The following SEC14L1 variants were observed in gnomAD, a reference collection of about 807,000 sequenced individuals.
SEC14L1 encodes the protein SEC14 like lipid binding 1, also known as SEC14-like protein 1.
In SEC14L1, 48 loss-of-function variants were observed where a neutral mutation model predicts 85.3. The observed-to-expected ratio is 0.56, with a 90% confidence interval of 0.45 to 0.72. The LOEUF (loss-of-function observed/expected upper bound fraction) is 0.72. Ranked by LOEUF, SEC14L1 falls within the 30% of genes least tolerant of loss-of-function variation. SEC14L1 has a pLI of 0.00. For missense variants in SEC14L1, 682 were observed against 921.4 expected (o/e 0.74, Z 3.36); for synonymous variants, 391 against 355.5 (o/e 1.10, Z -1.12).
intron 3 of SEC14L1, among the ~76,000 whole-genome samples, chr17:77,154,913 T>A (rs1973739903): frequency 6.6e-6 from 1 of 151,346 alleles, no homozygotes; most frequent in Non-Finnish European, 1.5e-5. Context: ...ATCTGGACTT[T>A]CTTTATTCCA....
intron 2 of SEC14L1, 111 bp from the exon 3 acceptor site, chr17:77,143,456 C>A: frequency 1.6e-6 from 1 of 607,558 alleles, no homozygotes. Flanking sequence ...GAATTATGAC[C>A]TATTGTGGTC....
rs369833306 is a variant in SEC14L1 at position 77,200,487 on chromosome 17, C to A, written c.823C>A (p.Pro275Thr). Reference sequence around the variant, plus strand: ...AAATGTCTTTTTCTCTTAATAGATTCCAAAAGATGAGCATATTCTTCGGTT... The same window carrying A: ...AAATGTCTTTTTCTCTTAATAGATTACAAAAGATGAGCATATTCTTCGGTT... Reference protein sequence around the residue: ...WLQETHKGKIPKDEHILRFLR... With the variant: ...WLQETHKGKITKDEHILRFLR... The change falls in exon 9 of 17, where the codon CCA becomes ACA. Residue 275 changes from proline (P) to threonine (T), a missense_variant. Coordinates refer to ENST00000436233, the MANE Select transcript of SEC14L1 (RefSeq NM_001143998.2). The A allele has an allele frequency of 6.2e-7, 1 of 1,612,046 alleles. No homozygotes were observed. Among genetic ancestry groups the A allele is most frequent in the Non-Finnish European group, 8.5e-7 (1 of 1,178,976 alleles).
intron 1 of SEC14L1, chr17:77,141,589 A>T (rs931046552): frequency 3.3e-5 from 5 of 151,994 alleles, no homozygotes; most frequent in Admixed American, 6.6e-5. Flanking sequence ...CATGCAATGG[A>T]GGCCGTCCGG....
rs1319426748 is a variant in SEC14L1 at position 77,123,585 on chromosome 17, TG to T, written c.-135-19060del. On this transcript the variant is annotated intron_variant, in intron 3 of 19. Coordinates refer to the SEC14L1 transcript ENST00000392476. ...CATCACCAAATCTGGCTATTTTCTT[TG>T]TTTTTTTTTTGTAGAGACAGAGGTC... Among the ~76,000 whole-genome samples, 15 of 151,778 alleles carry T rather than the reference TG, an allele frequency of 9.9e-5. No homozygotes were observed. In the South Asian group the frequency reaches 2.9e-3, roughly 29 times the overall value.
At chr17:77,184,216 G>A (rs1036663700) in intron 3 of SEC14L1, among the ~76,000 whole-genome samples, 2 of 152,200 alleles carry the variant, frequency 1.3e-5, no homozygotes, top group African/African-American at 4.8e-5. Flanking sequence ...GCTCAGTTCA[G>A]TCATTTGGTG....
At chr17:77,184,282 T>C (rs1340782171) in intron 3 of SEC14L1, among the ~76,000 whole-genome samples, 1 of 152,240 alleles carries the variant, frequency 6.6e-6, no homozygotes, top group African/African-American at 2.4e-5. Flanking sequence ...TGTTCCTTTG[T>C]TAAATTTATC....
At chr17:77,110,688 G>A (rs1278702706) in intron 3 of SEC14L1, among the ~76,000 whole-genome samples, 4 of 151,102 alleles carry the variant, frequency 2.6e-5, no homozygotes, top group Non-Finnish European at 1.5e-5. Flanking sequence ...AGACCATCCT[G>A]GCTAACAGGG....
intron 3 of SEC14L1, among the ~76,000 whole-genome samples, chr17:77,179,148 C>T (rs150654441): frequency 1.0e-3 from 158 of 152,302 alleles, no homozygotes; most frequent in Middle Eastern, 6.8e-3. Flanking sequence ...GAATATCTCA[C>T]AGCCCTCCCG....
intron 3 of SEC14L1, among the ~76,000 whole-genome samples, chr17:77,159,216 C>T (rs1256165652): frequency 0.022 from 1 of 46 alleles, no homozygotes; most frequent in Non-Finnish European, 0.056. Context: ...CAGGTGTGAG[C>T]CACCACCACC....
rs11295576 is a variant in SEC14L1 at position 77,152,535 on chromosome 17, CAA to C, written c.63+8894_63+8895del. Reference sequence around the variant, plus strand: ...TGGGTGACAGAGCGAGACTCCGTCTCAAAAAAAAAAAAAAAAAAATGGAAATG... The same window carrying C: ...TGGGTGACAGAGCGAGACTCCGTCTCAAAAAAAAAAAAAAAAATGGAAATG... On this transcript the variant is annotated intron_variant, in intron 3 of 16. Coordinates refer to ENST00000436233, the MANE Select transcript of SEC14L1 (RefSeq NM_001143998.2). 9.4e-3 allele frequency: 1,019 copies of C among 108,334 alleles called. 7 individuals carry two copies. Among genetic ancestry groups the C allele is most frequent in the African/African-American group, 0.027 (809 of 29,440 alleles). The allele number at this position is 108,334 out of a possible 1,614,324, so 6.7% of individuals were successfully genotyped here.
At chr17:77,119,075 C>T (rs1396939420) in intron 3 of SEC14L1, among the ~76,000 whole-genome samples, 3 of 151,962 alleles carry the variant, frequency 2.0e-5, no homozygotes, top group East Asian at 1.9e-4. Context: ...TTTGGGAGGC[C>T]GAGACGGGTG....
rs547141080 is a variant in SEC14L1, at chr17:77,111,396, G to GTT, written c.-136+18062_-136+18063dup. Among the ~76,000 whole-genome samples the GTT allele has an allele frequency of 3.8e-3, 530 of 140,732 alleles. 8 individuals are homozygous for GTT. The highest frequency in any genetic ancestry group is 0.013 in the African/African-American group (492 of 38,186). 92.3% of individuals were successfully genotyped at this position (140,732 alleles called of 152,430 possible). A position where few individuals can be genotyped will look rare whatever the true frequency, so the allele number is the denominator to read the frequency against. On this transcript the variant is annotated intron_variant, in intron 3 of 19. Transcript: ENST00000392476. Reference sequence around the variant, plus strand: ...GTGGAGACCAAAGTTCTTTTGAAGTGTTTTTTTTTTTTTTGAGACAGAGTC... The same window carrying GTT: ...GTGGAGACCAAAGTTCTTTTGAAGTGTTTTTTTTTTTTTTTTGAGACAGAGTC...
At chr17:77,091,247 C>G (rs1414280041) in intron 2 of SEC14L1, among the ~76,000 whole-genome samples, 3 of 152,040 alleles carry the variant, frequency 2.0e-5, no homozygotes, top group Admixed American at 2.0e-4. Flanking sequence ...GCCACCATGC[C>G]CGGCTAATTT....
At chr17:77,165,513 G>A (rs748032850) in intron 3 of SEC14L1, among the ~76,000 whole-genome samples, 11 of 152,148 alleles carry the variant, frequency 7.2e-5, no homozygotes, top group Non-Finnish European at 1.5e-4. Context: ...AGTGAGTAGA[G>A]GGGTGACTTT....
chr17:77,116,275 G>A (rs1057434918), intron 3 of SEC14L1, among the ~76,000 whole-genome samples: 1 of 152,262 alleles, frequency 6.6e-6, no homozygotes, highest in Non-Finnish European at 1.5e-5. Flanking sequence ...CGTTTTAGGG[G>A]TCTTTGCTGT....
intron 3 of SEC14L1, among the ~76,000 whole-genome samples, chr17:77,115,925 T>C (rs1229224717): frequency 2.6e-5 from 4 of 151,946 alleles, no homozygotes; most frequent in African/African-American, 7.2e-5. Context: ...CCTTTTTTTT[T>C]TTTTTTAAAT....
At chr17:77,149,541 A>C (rs1973462417) in intron 3 of SEC14L1, among the ~76,000 whole-genome samples, 1 of 152,194 alleles carries the variant, frequency 6.6e-6, no homozygotes, top group African/African-American at 2.4e-5. Flanking sequence ...ATAAAAAAAT[A>C]AAATTAAAAT....
intron 8 of SEC14L1, among the ~76,000 whole-genome samples, chr17:77,197,746 TTA>T (rs1975890102): frequency 6.6e-6 from 1 of 151,964 alleles, no homozygotes; most frequent in African/African-American, 2.4e-5. Context: ...AGAGCTGGGG[TTA>T]GCTCTGCCAC....
chr17:77,107,731 A>G (rs981323036), intron 3 of SEC14L1, among the ~76,000 whole-genome samples: 2 of 152,106 alleles, frequency 1.3e-5, no homozygotes, highest in Admixed American at 1.3e-4. Context: ...ACAACAGCAA[A>G]GGCTTCTCCA....
Sources: allele counts gnomAD v4.1 joint callset (sites outside exome capture counted in the v4.1 genomes callset), GRCh38; gene constraint gnomAD v4.1.1; transcripts MANE v1.5; gene names NCBI Gene and HGNC (gene_info 2026-07-23, HGNC 2026-07-21).